The following DMD variants were observed in gnomAD, a reference collection of about 807,000 sequenced individuals.
DMD encodes dystrophin, also known as mutant dystrophin.
In DMD, 63 loss-of-function variants were observed where a neutral mutation model predicts 330.1. The observed-to-expected ratio is 0.19, with a 90% CI of 0.16 to 0.24. DMD has a LOEUF of 0.24. DMD is among the 10% of genes least tolerant of loss of function. DMD has a pLI of 1.00. For missense variants in DMD, 3,344 were observed against 2,684.1 expected (o/e 1.25, Z -5.43); for synonymous variants, 1,223 against 959.8 (o/e 1.27, Z -5.07).
chrX:33,330,442 A>C (rs898488538), intron 1 of DMD, among the ~76,000 whole-genome samples: 23 of 111,830 alleles, frequency 2.1e-4, no homozygotes, highest in African/African-American at 6.5e-4. Flanking sequence ...TGATTAATTT[A>C]ACTTTATACA....
intron 62 of DMD, among the ~76,000 whole-genome samples, chrX:31,262,762 C>T (rs184618673): frequency 5.3e-5 from 6 of 112,391 alleles, no homozygotes; most frequent in African/African-American, 1.6e-4. Flanking sequence ...ATGACCAAGC[C>T]GGTTTATGAT....
chrX:32,669,129 C>T (rs2061485745), intron 9 of DMD, among the ~76,000 whole-genome samples: 1 of 111,173 alleles, frequency 9.0e-6, no homozygotes. Context: ...ATGAACTATC[C>T]CATCTCCTCC....
At chrX:31,304,166 T>C (rs903020238) in intron 62 of DMD, among the ~76,000 whole-genome samples, 1 of 112,224 alleles carries the variant, frequency 8.9e-6, no homozygotes, top group African/African-American at 3.2e-5. Context: ...AAACAAAATA[T>C]ACCCAGTAAA....
chrX:32,921,400 C>A (rs767864661), intron 2 of DMD, among the ~76,000 whole-genome samples: 2 of 111,875 alleles, frequency 1.8e-5, no homozygotes, highest in African/African-American at 3.2e-5. Flanking sequence ...TAGATAAGTG[C>A]AAACTAAAAG....
At chrX:31,680,351 G>A (rs1025933743) in intron 52 of DMD, among the ~76,000 whole-genome samples, 1 of 110,123 alleles carries the variant, frequency 9.1e-6, no homozygotes. Context: ...GAAGATAAGT[G>A]TATTAGAAAC....
At chrX:31,397,696 G>A (rs1327117043) in intron 60 of DMD, among the ~76,000 whole-genome samples, 2 of 112,465 alleles carry the variant, frequency 1.8e-5, no homozygotes, top group East Asian at 2.8e-4. Context: ...CGAACAGGAG[G>A]ACCGTTTAGA....
At chrX:31,341,589 C>T (rs757802836) in intron 61 of DMD, among the ~76,000 whole-genome samples, 1 of 110,975 alleles carries the variant, frequency 9.0e-6, no homozygotes, top group Non-Finnish European at 1.9e-5. Flanking sequence ...GAGGAATATA[C>T]GAGAGAATAA....
intron 9 of DMD, among the ~76,000 whole-genome samples, chrX:32,689,766 C>T (rs753812886): frequency 1.8e-5 from 2 of 110,947 alleles, no homozygotes; most frequent in African/African-American, 3.3e-5. Flanking sequence ...TAGTATGATA[C>T]ACCACGTTAA....
At chrX:31,797,785 A>G (rs73213876) in intron 50 of DMD, among the ~76,000 whole-genome samples, 12,272 of 110,973 alleles carry the variant, frequency 0.11, 546 homozygotes, top group Middle Eastern at 0.14. Context: ...AGAATGTAAA[A>G]AATGAAAGAC....
chrX:31,364,555 C>G (rs1000986996), intron 60 of DMD, among the ~76,000 whole-genome samples: 3 of 112,182 alleles, frequency 2.7e-5, no homozygotes, highest in African/African-American at 9.7e-5. Context: ...GGGGAAACTA[C>G]AGAAACATTT....
chrX:33,146,979 C>G (rs1304705915), intron 1 of DMD, among the ~76,000 whole-genome samples: 1 of 110,306 alleles, frequency 9.1e-6, no homozygotes, highest in African/African-American at 3.3e-5. Context: ...TGTGCTACTA[C>G]ACCTGGCTAA....
intron 55 of DMD, among the ~76,000 whole-genome samples, chrX:31,585,358 T>C (rs1603405143): frequency 1.0e-5 from 1 of 98,803 alleles, no homozygotes; most frequent in Admixed American, 1.1e-4. Flanking sequence ...AATGTAAACA[T>C]ATAAACTCCA....
intron 17 of DMD, among the ~76,000 whole-genome samples, chrX:32,532,864 C>T (rs1412010653): frequency 2.7e-5 from 3 of 111,635 alleles, no homozygotes; most frequent in Non-Finnish European, 3.8e-5. Context: ...AAATCAACAG[C>T]AAAATAGTCT....
At chrX:32,415,007 C>G (rs982176708) in intron 29 of DMD, among the ~76,000 whole-genome samples, 8 of 111,757 alleles carry the variant, frequency 7.2e-5, no homozygotes, top group Non-Finnish European at 1.1e-4. Flanking sequence ...AGCCTACCCA[C>G]AGCTCTTCCA....
At chrX:32,904,436 G>T (rs1299423917) in intron 2 of DMD, among the ~76,000 whole-genome samples, 1 of 111,845 alleles carries the variant, frequency 8.9e-6, no homozygotes, top group East Asian at 2.8e-4. Context: ...TTTTGGATAA[G>T]TGGGGTCAAG....
At position 33,132,882 on chromosome X, in the gene DMD, A is replaced by G. The variant is rs151190946; in HGVS notation, c.31+78400T>C. On this transcript the variant is annotated intron_variant, in intron 1 of 78. Transcript: ENST00000357033. ...TGAGGCTATTGTTAGTTTCCACTAC[A>G]AGGTGTTTACCACAGTTCCAGATAC... is the stretch of plus-strand genomic sequence containing the variant. Among the ~76,000 whole-genome samples, 272 of 111,670 alleles carry G rather than the reference A, an allele frequency of 2.4e-3. 8 individuals are homozygous for G. The East Asian group carries it at 0.071, about 29-fold the overall frequency.
intron 18 of DMD, among the ~76,000 whole-genome samples, chrX:32,509,017 A>T (rs979723776): frequency 8.3e-5 from 9 of 108,918 alleles, no homozygotes; most frequent in Non-Finnish European, 1.5e-4. Flanking sequence ...TCATGGTGTC[A>T]ACCATGATGG....
At chrX:31,515,536 C>A (rs758229516) in intron 55 of DMD, among the ~76,000 whole-genome samples, 4 of 106,729 alleles carry the variant, frequency 3.7e-5, no homozygotes, top group African/African-American at 1.4e-4. Flanking sequence ...TTTAAATTAG[C>A]TTGATGGGAA....
intron 7 of DMD, among the ~76,000 whole-genome samples, chrX:32,732,311 G>A (rs997439511): frequency 1.8e-5 from 2 of 111,280 alleles, no homozygotes; most frequent in African/African-American, 3.3e-5. Context: ...GTGATGGGGA[G>A]AATGGAACCA....
Sources: gnomAD v4.1 joint callset for allele counts (sites outside exome capture counted in the v4.1 genomes callset) on GRCh38, gnomAD v4.1.1 for gene constraint, MANE v1.5 for transcripts, NCBI Gene and HGNC (gene_info 2026-07-23, HGNC 2026-07-21) for gene names.